KCNK2: variants seen among roughly 807,000 people sequenced by gnomAD.
The protein encoded by KCNK2 is potassium channel subfamily K member 2.
KCNK2 carries 21 observed loss-of-function variants against 40.5 expected under a neutral mutation model. The observed-to-expected ratio is 0.52, with a 90% CI of 0.37 to 0.75. The LOEUF (loss-of-function observed/expected upper bound fraction) is 0.75. KCNK2 is among the 30% of genes least tolerant of loss of function. The pLI, the probability that KCNK2 is intolerant of heterozygous loss-of-function variation, is 0.00. For synonymous variants in KCNK2, 191 were observed against 202.2 expected, an observed-to-expected ratio of 0.94 and a Z score of 0.47; for missense variants, 399 against 531.6, an observed-to-expected ratio of 0.75 and a Z score of 2.45.
rs1666851056 is a variant in KCNK2 at position 215,235,634 on chromosome 1, A to G, written c.*489A>G. 6.5e-6 allele frequency: 1 copy of G among 153,658 alleles called. No homozygotes were observed. The highest frequency in any genetic ancestry group is 2.4e-5 in the African/African-American group (1 of 41,412). 9.5% of individuals were successfully genotyped at this position (153,658 alleles called of 1,614,324 possible). A position where few individuals can be genotyped will look rare whatever the true frequency, so the allele number is the denominator to read the frequency against. On this transcript the variant is annotated 3_prime_UTR_variant, in exon 7 of 7. Transcript: ENST00000444842. ...TTTCTGTCAGTGCCTTATCTTATGAAGAAACAGAACCTCTCTAGCTAATGT... is the reference window on the plus strand; with the variant it reads ...TTTCTGTCAGTGCCTTATCTTATGAGGAAACAGAACCTCTCTAGCTAATGT...
Position 215,068,230 on chromosome 1 carries a change from T to C in KCNK2, c.35-18138T>C, listed in dbSNP as rs74684270. Among the ~76,000 whole-genome samples the C allele has an allele frequency of 1.3e-3, 202 of 152,234 alleles. 4 individuals are homozygous for C. In the East Asian group the frequency reaches 0.03, roughly 23 times the overall value. ...ATTCCTACTATGTGTTATGAGAACA[T>C]AGTAAAGGGGTACTCAACCCCAAAC... On this transcript the variant is annotated intron_variant, in intron 1 of 6. Coordinates refer to the KCNK2 transcript ENST00000391895.
At chr1:215,116,155 T>C (rs922993930) in intron 2 of KCNK2, among the ~76,000 whole-genome samples, 1 of 152,068 alleles carries the variant, frequency 6.6e-6, no homozygotes, top group African/African-American at 2.4e-5. Flanking sequence ...ATGTTAAATG[T>C]AGCTACTCAG....
At chr1:215,204,678 A>T (rs1172381289) in intron 6 of KCNK2, among the ~76,000 whole-genome samples, 1 of 152,182 alleles carries the variant, frequency 6.6e-6, no homozygotes, top group Non-Finnish European at 1.5e-5. Flanking sequence ...TTTTACAAAA[A>T]ATCAAGCTAT....
intron 5 of KCNK2, among the ~76,000 whole-genome samples, chr1:215,186,815 C>T (rs1261179725): frequency 6.6e-6 from 1 of 152,184 alleles, no homozygotes; most frequent in Non-Finnish European, 1.5e-5. Context: ...GGCTAAAAAG[C>T]ACTTGGGAGG....
At chr1:215,227,458 T>A (rs1369699704) in intron 6 of KCNK2, among the ~76,000 whole-genome samples, 1 of 152,054 alleles carries the variant, frequency 6.6e-6, no homozygotes, top group African/African-American at 2.4e-5. Flanking sequence ...AAAGAAACGT[T>A]CAGGATGGCC....
At chr1:215,049,272 A>T (rs1405705769) in intron 1 of KCNK2, among the ~76,000 whole-genome samples, 2 of 152,130 alleles carry the variant, frequency 1.3e-5, no homozygotes, top group African/African-American at 4.8e-5. Context: ...ACATATTTTC[A>T]TGTGCTTACT....
chr1:215,172,104 A>G lies in KCNK2; in HGVS notation c.744A>G (p.Ile248Met). ...VALPAIIFKH[I>M]EGWSALDAIY... ...TGCCTGCGATCATATTCAAACACATAGAAGGCTGGAGTGCCCTGGACGCCA... is the reference window on the plus strand; with the variant it reads ...TGCCTGCGATCATATTCAAACACATGGAAGGCTGGAGTGCCCTGGACGCCA... Residue 248 changes from isoleucine (I) to methionine (M), a missense_variant, in exon 5 of 7, where the codon ATA becomes ATG. Ile to Met is a conservative substitution (Grantham distance 10). Transcript: ENST00000444842. 1 of 1,613,620 alleles carries G rather than the reference A, an allele frequency of 6.2e-7. No individual in the cohort carries two copies. Among genetic ancestry groups the G allele is most frequent in the Non-Finnish European group, 8.5e-7 (1 of 1,179,748 alleles).
Position 215,209,433 on chromosome 1 carries a change from T to A in KCNK2, c.963+14341T>A, listed in dbSNP as rs1229856345. ...CATATATTATATATAATATATATAA[T>A]ATAAAATATATAATATATATTATAT... On this transcript the variant is annotated intron_variant, in intron 6 of 6. Transcript: ENST00000444842. Among the ~76,000 whole-genome samples the A allele has an allele frequency of 6.6e-5, 3 of 45,128 alleles. No homozygotes were observed. In the East Asian group the frequency reaches 3.2e-3, roughly 48 times the overall value. 29.6% of individuals were successfully genotyped at this position (45,128 alleles called of 152,430 possible). A position where few individuals can be genotyped will look rare whatever the true frequency, so the allele number is the denominator to read the frequency against.
intron 1 of KCNK2, among the ~76,000 whole-genome samples, chr1:215,024,731 A>C (rs1571854166): frequency 6.6e-6 from 1 of 152,110 alleles, no homozygotes; most frequent in Admixed American, 6.5e-5. Context: ...TCAGCAATTA[A>C]CTTTTATACA....
chr1:215,029,821 G>A (rs1431923098), intron 1 of KCNK2, among the ~76,000 whole-genome samples: 2 of 151,958 alleles, frequency 1.3e-5, no homozygotes, highest in Non-Finnish European at 2.9e-5. Flanking sequence ...TTCATCTCAT[G>A]AAGGACATCT....
intron 3 of KCNK2, among the ~76,000 whole-genome samples, chr1:215,166,686 C>T (rs191241286): frequency 8.0e-4 from 122 of 152,220 alleles, no homozygotes; most frequent in African/African-American, 2.5e-3. Flanking sequence ...AGCACTACTT[C>T]AGCCTGGGCT....
intron 3 of KCNK2, among the ~76,000 whole-genome samples, chr1:215,158,617 T>C (rs1389777232): frequency 6.6e-6 from 1 of 152,046 alleles, no homozygotes; most frequent in African/African-American, 2.4e-5. Flanking sequence ...TTCCTGGAGG[T>C]AGGTTACTTC....
chr1:215,057,212 T>G (rs978872328), intron 1 of KCNK2, among the ~76,000 whole-genome samples: 4 of 152,138 alleles, frequency 2.6e-5, no homozygotes, highest in Non-Finnish European at 2.9e-5. Flanking sequence ...TTTTTTTTTT[T>G]TTTGGAGTGA....
upstream of KCNK2, among the ~76,000 whole-genome samples, chr1:215,080,799 C>A (rs988547166): frequency 6.6e-6 from 1 of 152,096 alleles, no homozygotes; most frequent in Admixed American, 6.5e-5. Context: ...CAGGGTAACA[C>A]CTGTGATGGT....
intron 3 of KCNK2, among the ~76,000 whole-genome samples, chr1:215,156,865 C>A (rs1260888887): frequency 1.3e-5 from 2 of 152,006 alleles, no homozygotes; most frequent in Non-Finnish European, 2.9e-5. Context: ...AAAGTCCACC[C>A]CCATGTTGAA....
chr1:215,055,068 T>A (rs1215573706), intron 1 of KCNK2, among the ~76,000 whole-genome samples: 1 of 152,220 alleles, frequency 6.6e-6, no homozygotes, highest in Non-Finnish European at 1.5e-5. Context: ...TAACTTATTA[T>A]TAAATCTAAA....
intron 1 of KCNK2, among the ~76,000 whole-genome samples, chr1:215,024,165 C>T (rs1232300598): frequency 2.0e-5 from 3 of 152,188 alleles, no homozygotes; most frequent in Non-Finnish European, 4.4e-5. Context: ...TGCACTGACA[C>T]CTGACACCCT....
intron 1 of KCNK2, among the ~76,000 whole-genome samples, chr1:215,016,380 A>G (rs2601611): frequency 0.56 from 85,112 of 151,982 alleles, 25,523 homozygotes; most frequent in South Asian, 0.78. Context: ...TAATAATAAA[A>G]CAGCATGGTA....
At chr1:215,148,282 C>G (rs542663939) in intron 3 of KCNK2, among the ~76,000 whole-genome samples, 10 of 151,338 alleles carry the variant, frequency 6.6e-5, no homozygotes, top group Non-Finnish European at 1.0e-4. Flanking sequence ...TCCACGTTGC[C>G]CAGGCTGGTC....
Sources: gnomAD v4.1 joint callset for allele counts (sites outside exome capture counted in the v4.1 genomes callset) on GRCh38, gnomAD v4.1.1 for gene constraint, MANE v1.5 for transcripts, NCBI Gene and HGNC (gene_info 2026-07-23, HGNC 2026-07-21) for gene names.